CNN3: variants seen among roughly 807,000 people sequenced by gnomAD.
CNN3 encodes calponin-3.
CNN3 carries 11 observed loss-of-function variants against 39.0 expected under a neutral mutation model. The ratio of observed to expected loss-of-function variants is 0.28; its 90% CI spans 0.18 to 0.47. CNN3 has a LOEUF of 0.47. CNN3 is among the 20% of genes least tolerant of loss of function. The probability of loss-of-function intolerance (pLI) is 0.99; values close to 1 mark genes in which losing one functional copy is unlikely to be tolerated. For synonymous variants in CNN3, 101 were observed against 138.3 expected (o/e 0.73, Z 1.89); for missense variants, 266 against 403.4 (o/e 0.66, Z 2.92).
chr1:94,917,404 G>A (rs939620628), intron 1 of CNN3, among the ~76,000 whole-genome samples: 2 of 152,198 alleles, frequency 1.3e-5, no homozygotes, highest in Non-Finnish European at 2.9e-5. Context: ...CCAGCCCACT[G>A]TCAATTCCCA....
rs1423537804 is a variant in CNN3 at position 94,899,386 on chromosome 1, A to G, written c.633T>C (p.Asn211=). ...TATTGCTTACCTGGCTGGCTCCTTT[A>G]TTAGTGCCCATCTGCAGACTAATTG... ...QTTISLQMGT[N]KGASQAGMLA... The change falls in exon 6 of 7, where the codon AAT becomes AAC. Residue 211 remains asparagine (N), a synonymous_variant. Transcript: ENST00000370206. 6.2e-7 allele frequency: 1 copy of G among 1,613,706 alleles called. No individual in the cohort carries two copies. Among genetic ancestry groups the G allele is most frequent in the Admixed American group, 1.7e-5 (1 of 59,944 alleles).
chr1:94,912,500 C>T (rs1327152989), intron 1 of CNN3, among the ~76,000 whole-genome samples: 1 of 152,046 alleles, frequency 6.6e-6, no homozygotes, highest in Non-Finnish European at 1.5e-5. Context: ...AGAGAGTGTG[C>T]AAGCAAGCAC....
chr1:94,925,849 C>T, intron 1 of CNN3: 1 of 983,666 alleles, frequency 1.0e-6, no homozygotes, highest in Non-Finnish European at 1.2e-6. Context: ...GTTCTGTGCA[C>T]AGTTCCGCGC....
chr1:94,925,663 C>G (rs911794283), intron 1 of CNN3: 2 of 985,378 alleles, frequency 2.0e-6, no homozygotes, highest in Non-Finnish European at 2.4e-6. Flanking sequence ...ACACCGCCTA[C>G]CCCCGCAGCC....
rs1052670202 is a variant in CNN3 at position 94,926,554 on chromosome 1, C to T, written c.57+284G>A. On this transcript the variant is annotated intron_variant, in intron 1 of 6. Transcript: ENST00000370206. The surrounding 1 kb of genome is among the most constrained non-coding windows in gnomAD (Gnocchi z 4.2). ...AAACGGCCCCCGAGACCCCCGCAGC[C>T]GGAAAGGCTGGCGCCGCGGGACTCC... Among the ~76,000 whole-genome samples the T allele has an allele frequency of 6.6e-6, 1 of 152,258 alleles. No individual in the cohort carries two copies. The highest frequency in any genetic ancestry group is 2.1e-4 in the South Asian group (1 of 4,810).
At position 94,904,834 on chromosome 1, in the gene CNN3, C is replaced by T. The variant is rs1342084402; in HGVS notation, c.58-1310G>A. ...TTCTCATTCAGCACTGGTGAAAATG[C>T]CAAGTATACATAGGAAATGCTCAGG... On this transcript the variant is annotated intron_variant, in intron 1 of 6. Transcript: ENST00000370206. 3.3e-5 allele frequency among the ~76,000 whole-genome samples: 5 copies of T among 151,926 alleles called. No individual in the cohort carries two copies. In the East Asian group the frequency reaches 7.7e-4, roughly 23 times the overall value.
chr1:94,913,604 A>G (rs142002124), intron 1 of CNN3, among the ~76,000 whole-genome samples: 1 of 152,326 alleles, frequency 6.6e-6, no homozygotes, highest in Non-Finnish European at 1.5e-5. Flanking sequence ...CAGTTTCTAG[A>G]AGGAGTAAAC....
At chr1:94,908,301 C>T (rs1328304350) in intron 1 of CNN3, among the ~76,000 whole-genome samples, 1 of 152,184 alleles carries the variant, frequency 6.6e-6, no homozygotes, top group African/African-American at 2.4e-5. Context: ...CTCGCTCCTC[C>T]GACAGCTTCA....
intron 1 of CNN3, among the ~76,000 whole-genome samples, chr1:94,906,466 A>ATT (rs3838308): frequency 8.6e-5 from 13 of 151,020 alleles, no homozygotes; most frequent in South Asian, 2.1e-4. Flanking sequence ...TTGTAAGGTG[A>ATT]TTTTTTTTTT....
rs1378403920 is a variant in CNN3 at position 94,927,021 on chromosome 1, G to A, written c.-127C>T. The A allele has an allele frequency of 9.5e-7, 1 of 1,052,554 alleles. No homozygotes were observed. The highest frequency in any genetic ancestry group is 1.4e-6 in the Non-Finnish European group (1 of 730,530). 65.2% of individuals were successfully genotyped at this position (1,052,554 alleles called of 1,614,324 possible). A position where few individuals can be genotyped will look rare whatever the true frequency, so the allele number is the denominator to read the frequency against. On this transcript the variant is annotated 5_prime_UTR_variant, in exon 1 of 7. Coordinates refer to ENST00000370206, the MANE Select transcript of CNN3 (RefSeq NM_001839.5). ...CGAACTCCCTCCTCTGGGAGGCGCAGGAGACGGCCGCGGGGCGCGGGCGGT... is the reference window on the plus strand; with the variant it reads ...CGAACTCCCTCCTCTGGGAGGCGCAAGAGACGGCCGCGGGGCGCGGGCGGT...
intron 1 of CNN3, among the ~76,000 whole-genome samples, chr1:94,904,042 C>T (rs560322998): frequency 6.6e-6 from 1 of 152,298 alleles, no homozygotes; most frequent in East Asian, 1.9e-4. Flanking sequence ...CACACACACA[C>T]ACACTTTCCT....
chr1:94,897,769 TTGGTAATCTC>T lies in CNN3; in HGVS notation c.953_962del (p.Arg318AsnfsTer19). 1 of 1,614,072 alleles carries T rather than the reference TTGGTAATCTC, an allele frequency of 6.2e-7. No homozygotes were observed. Among genetic ancestry groups the T allele is most frequent in the Non-Finnish European group, 8.5e-7 (1 of 1,179,926 alleles). On this transcript the variant is annotated frameshift_variant, in exon 7 of 7. Coordinates refer to ENST00000370206, the MANE Select transcript of CNN3 (RefSeq NM_001839.5). LOFTEE classifies it high-confidence loss of function. ...AATAATCAATGCCTTGGTCGCTATA[TTGGTAATCTC>T]TGGGGTAGTCATCCTGGTACTCGCC...
rs184999926 is a variant in CNN3, at chr1:94,899,473, G to A, written c.546C>T (p.Tyr182=). The A allele has an allele frequency of 3.7e-6, 6 of 1,613,826 alleles. No individual in the cohort carries two copies. Among genetic ancestry groups the A allele is most frequent in the South Asian group, 3.3e-5 (3 of 91,042 alleles). The change falls in exon 6 of 7, where the codon TAC becomes TAT. Residue 182 remains tyrosine (Y), a synonymous_variant. Transcript: ENST00000370206. ...GATCATAAAGATGCCTCCTAGTCCC[G>A]TAAGCTGTCATACCTGCCTGGCTGG... is the stretch of plus-strand genomic sequence containing the variant. ...KCASQAGMTA[Y]GTRRHLYDPK...
At chr1:94,925,842 C>G (rs749546446) in intron 1 of CNN3, 94 of 984,890 alleles carry the variant, frequency 9.5e-5, no homozygotes, top group Non-Finnish European at 1.1e-4. Context: ...AATGAGCGTT[C>G]TGTGCACAGT....
At chr1:94,925,987 A>AG (rs1671566730) in intron 1 of CNN3, among the ~76,000 whole-genome samples, 1 of 152,144 alleles carries the variant, frequency 6.6e-6, no homozygotes, top group Non-Finnish European at 1.5e-5. Context: ...AAAGTCCTAA[A>AG]GATAAACCTA....
At chr1:94,906,055 T>A (rs1670992147) in intron 1 of CNN3, among the ~76,000 whole-genome samples, 1 of 152,178 alleles carries the variant, frequency 6.6e-6, no homozygotes, top group African/African-American at 2.4e-5. Flanking sequence ...TGAACTCAGC[T>A]CACTGCAACC....
At chr1:94,912,216 G>C (rs891306080) in intron 1 of CNN3, among the ~76,000 whole-genome samples, 5 of 152,186 alleles carry the variant, frequency 3.3e-5, no homozygotes, top group African/African-American at 9.7e-5. Context: ...GCAAAGCTTA[G>C]AACACATATA....
In CNN3 at chr1:94,926,573, G is replaced by T. The variant is rs1671588932; in HGVS notation, c.57+265C>A. Among the ~76,000 whole-genome samples, 1 of 152,064 alleles carries T rather than the reference G, an allele frequency of 6.6e-6. No homozygotes were observed. The highest frequency in any genetic ancestry group is 1.5e-5 in the Non-Finnish European group (1 of 67,984). On this transcript the variant is annotated intron_variant, in intron 1 of 6. Transcript: ENST00000370206. The surrounding 1 kb of genome is among the most constrained non-coding windows in gnomAD (Gnocchi z 4.2). ...CGCAGCCGGAAAGGCTGGCGCCGCGGGACTCCAGGCGCCCGGGAACCCACC... is the reference window on the plus strand; with the variant it reads ...CGCAGCCGGAAAGGCTGGCGCCGCGTGACTCCAGGCGCCCGGGAACCCACC...
At chr1:94,919,221 A>G (rs1462190354) in intron 1 of CNN3, among the ~76,000 whole-genome samples, 1 of 152,214 alleles carries the variant, frequency 6.6e-6, no homozygotes, top group African/African-American at 2.4e-5. Context: ...TATTCAGAGT[A>G]GAGAATGGAA....
Sources: allele counts gnomAD v4.1 joint callset (sites outside exome capture counted in the v4.1 genomes callset), GRCh38; gene constraint gnomAD v4.1.1; non-coding constraint Gnocchi (gnomAD v3.1); transcripts MANE v1.5; gene names NCBI Gene and HGNC (gene_info 2026-07-23, HGNC 2026-07-21).